Variants in VIPR2 observed in about 807,000 individuals in gnomAD.
VIPR2 encodes vasoactive intestinal polypeptide receptor 2.
VIPR2 carries 48 observed loss-of-function variants against 58.0 expected under a neutral mutation model. That is an observed-to-expected ratio of 0.83 (90% confidence interval 0.66 to 1.05). VIPR2 has a LOEUF of 1.05. VIPR2 is among the 50% of genes least tolerant of loss of function. The pLI is 0.00. For synonymous variants in VIPR2, 243 were observed against 235.2 expected (o/e 1.03, Z -0.30); for missense variants, 534 against 558.0 (o/e 0.96, Z 0.43).
intron 4 of VIPR2, among the ~76,000 whole-genome samples, chr7:159,076,741 T>TTG (rs1466930343): frequency 6.6e-6 from 1 of 152,200 alleles, no homozygotes; most frequent in African/African-American, 2.4e-5. Context: ...AAACAGGAAT[T>TTG]TACTCAAATG....
At position 159,058,477 on chromosome 7, in the gene VIPR2, T is replaced by A; in HGVS notation, c.455+4A>T. 1 of 1,611,442 alleles carries A rather than the reference T, an allele frequency of 6.2e-7. No individual in the cohort carries two copies. Among genetic ancestry groups the A allele is most frequent in the South Asian group, 1.1e-5 (1 of 90,998 alleles). On this transcript the variant is annotated splice_donor_region_variant and intron_variant, in intron 5 of 12. Transcript: ENST00000262178. ...TTGCAGAATTACTAATTTCTGCTCC[T>A]TACCTGAAGAGGCACAGAATTATGC...
At position 159,132,820 on chromosome 7, in the gene VIPR2, C is replaced by CAGATTGATTT. The variant is rs1563355132; in HGVS notation, c.151+9625_151+9626insAAATCAATCT. The stretch of plus-strand genomic sequence containing the variant: ...GATTTCAGACAGAATGATTGGCATA[C>CAGATTGATTT]CGATTGATTTGAGACAGAATGATTG... On this transcript the variant is annotated intron_variant, in intron 2 of 12. Transcript: ENST00000262178. Among the ~76,000 whole-genome samples, 5 of 128,922 alleles carry CAGATTGATTT rather than the reference C, an allele frequency of 3.9e-5. 1 individual carries two copies. Among genetic ancestry groups the CAGATTGATTT allele is most frequent in the African/African-American group, 1.1e-4 (4 of 36,482 alleles). The allele number at this position is 128,922 out of a possible 152,430, so 84.6% of individuals were successfully genotyped here. A position where few individuals can be genotyped will look rare whatever the true frequency, so the allele number is the denominator to read the frequency against.
At chr7:159,044,258 A>G (rs1419646925) in intron 5 of VIPR2, among the ~76,000 whole-genome samples, 2 of 152,112 alleles carry the variant, frequency 1.3e-5, no homozygotes, top group African/African-American at 4.8e-5. Flanking sequence ...TAGAGTCTTC[A>G]GCGACCAATA....
chr7:159,034,114 G>A (rs1007059969), intron 10 of VIPR2, 99 bp downstream of exon 10: 10 of 1,181,492 alleles, frequency 8.5e-6, no homozygotes, highest in South Asian at 1.3e-5. Flanking sequence ...TGGCGGAGGC[G>A]GAGTCGCCGC....
intron 2 of VIPR2, among the ~76,000 whole-genome samples, chr7:159,119,528 G>A (rs913485944): frequency 1.3e-5 from 2 of 152,214 alleles, no homozygotes; most frequent in Non-Finnish European, 2.9e-5. Context: ...GCAGCGGTGC[G>A]AGGCAGAGGC....
intron 5 of VIPR2, among the ~76,000 whole-genome samples, chr7:159,048,347 T>C (rs1386568504): frequency 6.6e-6 from 1 of 152,218 alleles, no homozygotes; most frequent in Non-Finnish European, 1.5e-5. Context: ...TTTGTTAATG[T>C]GGATATGAAT....
intron 4 of VIPR2, among the ~76,000 whole-genome samples, chr7:159,101,603 G>C (rs1438710619): frequency 1.1e-4 from 12 of 112,084 alleles, no homozygotes; most frequent in South Asian, 3.2e-4. Context: ...AGGCGGTTCC[G>C]ACCGTTCCTG....
intron 5 of VIPR2, among the ~76,000 whole-genome samples, chr7:159,052,878 A>G (rs1242113990): frequency 6.6e-6 from 1 of 152,226 alleles, no homozygotes; most frequent in African/African-American, 2.4e-5. Context: ...AGAGAAACTT[A>G]ATTTGGTAAA....
At chr7:159,085,539 A>G (rs1585448419) in intron 4 of VIPR2, among the ~76,000 whole-genome samples, 2 of 151,958 alleles carry the variant, frequency 1.3e-5, no homozygotes, top group African/African-American at 4.8e-5. Context: ...CAGGTGATCC[A>G]CCCGCCTTGG....
intron 2 of VIPR2, among the ~76,000 whole-genome samples, chr7:159,125,046 A>G (rs184042066): frequency 8.9e-4 from 135 of 152,256 alleles, no homozygotes; most frequent in African/African-American, 3.0e-3. Flanking sequence ...CTGAGACTAT[A>G]GGGTTTTCTA....
chr7:159,035,810 C>G, intron 8 of VIPR2, 142 bp downstream of exon 8: 1 of 1,435,048 alleles, frequency 7.0e-7, no homozygotes, highest in Non-Finnish European at 9.2e-7. Flanking sequence ...ATGAATCGCC[C>G]AGATGCTTCC....
At chr7:159,044,544 T>C (rs374108291) in intron 5 of VIPR2, among the ~76,000 whole-genome samples, 1 of 150,218 alleles carries the variant, frequency 6.7e-6, no homozygotes, top group Admixed American at 6.6e-5. Context: ...CTTAAAGTCA[T>C]AGGCAACAAC....
At chr7:159,120,961 G>A (rs925837340) in intron 2 of VIPR2, among the ~76,000 whole-genome samples, 1 of 152,132 alleles carries the variant, frequency 6.6e-6, no homozygotes, top group Admixed American at 6.5e-5. Flanking sequence ...CTACTTTGCC[G>A]CCTCCTGGCT....
intron 7 of VIPR2, 27 bp from the exon 8 acceptor site, chr7:159,036,039 G>C (rs1853928332): frequency 6.2e-7 from 1 of 1,609,156 alleles, no homozygotes; most frequent in Non-Finnish European, 8.5e-7. Context: ...GGTTACACAG[G>C]TGGAGCGGAG....
intron 6 of VIPR2, among the ~76,000 whole-genome samples, chr7:159,037,513 C>A (rs1477802320): frequency 6.6e-6 from 1 of 152,214 alleles, no homozygotes; most frequent in Non-Finnish European, 1.5e-5. Context: ...ACACCAGGCC[C>A]CAGACTTTTT....
intron 4 of VIPR2, among the ~76,000 whole-genome samples, chr7:159,085,862 G>A (rs1325114866): frequency 6.6e-6 from 1 of 152,168 alleles, no homozygotes; most frequent in African/African-American, 2.4e-5. Context: ...AAGGAGGGAC[G>A]AAGAGGCGGA....
At chr7:159,084,781 G>A (rs544255619) in intron 4 of VIPR2, among the ~76,000 whole-genome samples, 6 of 152,180 alleles carry the variant, frequency 3.9e-5, no homozygotes, top group East Asian at 1.9e-4. Flanking sequence ...ACTGGAGGCC[G>A]CCAGTTGCCA....
At chr7:159,103,917 T>C in intron 3 of VIPR2, 63 bp from the exon 4 acceptor site, 1 of 1,425,118 alleles carries the variant, frequency 7.0e-7, no homozygotes, top group Non-Finnish European at 9.9e-7. Context: ...AGAAGGGACC[T>C]TAGTCCGTGC....
chr7:159,125,285 CCCCT>C (rs1187671178), intron 2 of VIPR2, among the ~76,000 whole-genome samples: 1 of 152,208 alleles, frequency 6.6e-6, no homozygotes, highest in Admixed American at 6.5e-5. Context: ...GACAAAGTGA[CCCCT>C]ACTTGCTGAC....
Sources: gnomAD v4.1 joint callset for allele counts (sites outside exome capture counted in the v4.1 genomes callset) on GRCh38, gnomAD v4.1.1 for gene constraint, MANE v1.5 for transcripts, NCBI Gene and HGNC (gene_info 2026-07-23, HGNC 2026-07-21) for gene names.